The following SEMA7A variants were observed in gnomAD, a reference collection of about 807,000 sequenced individuals.
The protein encoded by SEMA7A is semaphorin 7A (JohnMiltonHagen blood group), also known as semaphorin-7A.
A neutral mutation model predicts 67.5 loss-of-function variants in SEMA7A; 21 were observed. That is an observed-to-expected ratio of 0.31 (90% CI 0.22 to 0.45). SEMA7A has a LOEUF of 0.45. SEMA7A is among the 20% of genes least tolerant of loss of function. The probability of loss-of-function intolerance (pLI) is 1.00; values close to 1 mark genes in which losing one functional copy is unlikely to be tolerated. For synonymous variants in SEMA7A, 364 were observed against 368.5 expected, an observed-to-expected ratio of 0.99 and a Z score of 0.14; for missense variants, 774 against 908.6, an observed-to-expected ratio of 0.85 and a Z score of 1.90.
rs200229481 is a variant in SEMA7A at position 74,414,933 on chromosome 15, C to T, written c.1000G>A (p.Val334Ile). 223 of 1,614,060 alleles carry T rather than the reference C, an allele frequency of 1.4e-4. No homozygotes were observed. The East Asian group carries it at 1.9e-3, about 14-fold the overall frequency. The stretch of plus-strand genomic sequence containing the variant: ...ATGTCACCGAGGGAATACACACAGA[C>T]GGCTGAGTAGTTCCTGCAGTGACAT... Reference protein sequence around the residue: ...VFSNPWNYSAVCVYSLGDIDK... With the variant: ...VFSNPWNYSAICVYSLGDIDK... Residue 334 changes from valine to isoleucine, a missense_variant, in exon 9 of 14, where the codon GTC becomes ATC. Physicochemically the swap from Val to Ile is conservative, Grantham distance 29. Around this residue, in one of 2 missense-constraint regions of SEMA7A, gnomAD observed 427 missense variants for 555.4 expected, o/e 0.77. Transcript: ENST00000261918. This position sits in a 1 kb window ranked among gnomAD's most constrained non-coding sequence, Gnocchi z 4.1.
rs371879563 is a variant in SEMA7A at position 74,410,616 on chromosome 15, G to A, written c.*8C>T. ...AGAAGCCTGAGGCATGCCCAGCCTC[G>A]GGAGGCCCTAGTGGACCAGCAAGCC... is the stretch of plus-strand genomic sequence containing the variant. On this transcript the variant is annotated 3_prime_UTR_variant, in exon 14 of 14. Coordinates refer to ENST00000261918, the MANE Select transcript of SEMA7A (RefSeq NM_003612.5). The surrounding 1 kb of genome is among the most constrained non-coding windows in gnomAD (Gnocchi z 7.5). 9.5e-6 allele frequency: 15 copies of A among 1,570,862 alleles called. No individual in the cohort carries two copies. The African/African-American group carries it at 1.6e-4, about 17-fold the overall frequency.
In SEMA7A at chr15:74,427,149, C is replaced by G. The variant is rs554818606; in HGVS notation, c.178+6592G>C. The G allele has an allele frequency of 2.6e-5, 24 of 934,076 alleles. No homozygotes were observed. In the African/African-American group the frequency reaches 3.4e-4, roughly 13 times the overall value. The allele number at this position is 934,076 out of a possible 1,614,324, so 57.9% of individuals were successfully genotyped here. ...ACTGCTCCAGCCCTCACTGCCCGTA[C>G]CTTCGACCTTGTACCACAAACCATC... On this transcript the variant is annotated intron_variant, in intron 1 of 13. Transcript: ENST00000261918.
At chr15:74,425,342 G>A (rs951361771) in intron 1 of SEMA7A, among the ~76,000 whole-genome samples, 39 of 152,180 alleles carry the variant, frequency 2.6e-4, no homozygotes, top group African/African-American at 8.2e-4. Context: ...TGCAGATGAG[G>A]ACCATGAGAC....
At position 74,414,885 on chromosome 15, in the gene SEMA7A, A is replaced by C; in HGVS notation, c.1048T>G (p.Ser350Ala). Residue 350 changes from serine to alanine, a missense_variant, in exon 9 of 14, where the codon TCA (serine) becomes GCA (alanine). Ser to Ala is a moderately conservative substitution (Grantham distance 99, BLOSUM62 1). This residue lies in a region of SEMA7A where 427 missense variants were observed against 555.4 expected (regional missense o/e 0.77). Transcript: ENST00000261918. The surrounding 1 kb of genome is among the most constrained non-coding windows in gnomAD (Gnocchi z 4.1). ...GDIDKVFRTSSLKGYHSSLPN... is the reference protein window; with the variant it reads ...GDIDKVFRTSALKGYHSSLPN... Reference sequence around the variant, plus strand: ...AGGCTTGAGTGGTAGCCCTTGAGTGAGGAGGTACGGAAGACCTTGTCAATG... The same window carrying C: ...AGGCTTGAGTGGTAGCCCTTGAGTGCGGAGGTACGGAAGACCTTGTCAATG... 6.2e-6 allele frequency: 10 copies of C among 1,614,178 alleles called. No homozygotes were observed. Among genetic ancestry groups the C allele is most frequent in the Non-Finnish European group, 8.5e-6 (10 of 1,180,010 alleles).
intron 1 of SEMA7A, among the ~76,000 whole-genome samples, chr15:74,422,498 C>T (rs1441569351): frequency 6.6e-6 from 1 of 152,194 alleles, no homozygotes; most frequent in African/African-American, 2.4e-5. Context: ...AATCCTCACT[C>T]GTGCTGGACC....
chr15:74,425,026 C>T (rs982447499), intron 1 of SEMA7A, among the ~76,000 whole-genome samples: 1 of 152,178 alleles, frequency 6.6e-6, no homozygotes, highest in Non-Finnish European at 1.5e-5. Flanking sequence ...TGCTGAGAAA[C>T]AGAAGGTTCC....
intron 1 of SEMA7A, among the ~76,000 whole-genome samples, chr15:74,419,947 G>A (rs1362641262): frequency 6.6e-6 from 1 of 152,166 alleles, no homozygotes; most frequent in Admixed American, 6.5e-5. Flanking sequence ...AAATTATAGG[G>A]ATGGGATGGC....
intron 1 of SEMA7A, among the ~76,000 whole-genome samples, chr15:74,426,768 T>C (rs2061047161): frequency 6.6e-6 from 1 of 152,168 alleles, no homozygotes; most frequent in South Asian, 2.1e-4. Flanking sequence ...AGTGAGATCC[T>C]GTCTCTAAGA....
In SEMA7A at chr15:74,417,851, A is replaced by G. The variant is rs769675676; in HGVS notation, c.465+26T>C. ...CCACGCAGTAGAAGGTGAGCTGATCAGGCACATGGGGAGCAGCCTTCTCAC... is the reference window on the plus strand; with the variant it reads ...CCACGCAGTAGAAGGTGAGCTGATCGGGCACATGGGGAGCAGCCTTCTCAC... On this transcript the variant is annotated intron_variant, in intron 4 of 13. Transcript: ENST00000261918. The G allele has an allele frequency of 1.9e-6, 3 of 1,611,014 alleles. No individual in the cohort carries two copies. The African/African-American group carries it at 4.0e-5, about 22-fold the overall frequency.
intron 1 of SEMA7A, chr15:74,427,423 G>A: frequency 1.0e-6 from 1 of 983,308 alleles, no homozygotes; most frequent in Non-Finnish European, 1.2e-6. Context: ...TTCCTCGACA[G>A]GCTGGGCCAG....
At chr15:74,415,467 C>T (rs907696887) in intron 8 of SEMA7A, among the ~76,000 whole-genome samples, 2 of 152,198 alleles carry the variant, frequency 1.3e-5, no homozygotes, top group African/African-American at 4.8e-5. Flanking sequence ...GGTGTAATAG[C>T]ACCCAGCTCC....
chr15:74,412,025 G>A lies in SEMA7A; in HGVS notation c.1295-13C>T, dbSNP rs764859793. On this transcript the variant is annotated splice_polypyrimidine_tract_variant and intron_variant, in intron 10 of 13. Coordinates refer to ENST00000261918, the MANE Select transcript of SEMA7A (RefSeq NM_003612.5). ...ATAGTGCCCCTGTCTGTGTATGGTG[G>A]ACAGAGGGTCAGTGGGCGGGAGTCC... is the stretch of plus-strand genomic sequence containing the variant. The A allele has an allele frequency of 1.2e-6, 2 of 1,613,354 alleles. No individual in the cohort carries two copies. Among genetic ancestry groups the A allele is most frequent in the East Asian group, 4.5e-5 (2 of 44,894 alleles).
intron 6 of SEMA7A, 103 bp from the exon 7 acceptor site, chr15:74,416,817 T>C: frequency 7.6e-7 from 1 of 1,314,714 alleles, no homozygotes; most frequent in South Asian, 1.4e-5. Context: ...GCACAAACCA[T>C]GGCAAATCAG....
Position 74,432,577 on chromosome 15 carries a change from C to G in SEMA7A, c.178+1164G>C, listed in dbSNP as rs578119759. ...CATTCCCTCAGCTACTGCGGCAGTTCGGGCCACTCGTTTTGTGTATGGTTT... is the reference window on the plus strand; with the variant it reads ...CATTCCCTCAGCTACTGCGGCAGTTGGGGCCACTCGTTTTGTGTATGGTTT... On this transcript the variant is annotated intron_variant, in intron 1 of 13. Transcript: ENST00000261918. Among the ~76,000 whole-genome samples, 10 of 152,312 alleles carry G rather than the reference C, an allele frequency of 6.6e-5. No homozygotes were observed. In the East Asian group the frequency reaches 1.9e-3, roughly 29 times the overall value.
chr15:74,424,905 AG>A (rs1283896702), intron 1 of SEMA7A, among the ~76,000 whole-genome samples: 1 of 152,232 alleles, frequency 6.6e-6, no homozygotes, highest in Non-Finnish European at 1.5e-5. Flanking sequence ...AAGCAGACAA[AG>A]GGTAGCGGTG....
rs2060882762 is a variant in SEMA7A at position 74,409,685 on chromosome 15, A to C, written c.*939T>G. 6.9e-6 allele frequency: 1 copy of C among 145,608 alleles called. No individual in the cohort carries two copies. Among genetic ancestry groups the C allele is most frequent in the Non-Finnish European group, 1.5e-5 (1 of 67,098 alleles). The allele number at this position is 145,608 out of a possible 1,614,324, so 9.0% of individuals were successfully genotyped here. A position where few individuals can be genotyped will look rare whatever the true frequency, so the allele number is the denominator to read the frequency against. ...CCTGAGGACCCGGCTCGTCCTTCCAAATGAACACGGTGAAACTAGGGCTCA... is the reference window on the plus strand; with the variant it reads ...CCTGAGGACCCGGCTCGTCCTTCCACATGAACACGGTGAAACTAGGGCTCA... On this transcript the variant is annotated 3_prime_UTR_variant, in exon 14 of 14. Transcript: ENST00000261918.
At position 74,423,144 on chromosome 15, in the gene SEMA7A, A is replaced by T. The variant is rs2061014550; in HGVS notation, c.179-4192T>A. On this transcript the variant is annotated intron_variant, in intron 1 of 13. Coordinates refer to ENST00000261918, the MANE Select transcript of SEMA7A (RefSeq NM_003612.5). This position sits in a 1 kb window ranked among gnomAD's most constrained non-coding sequence, Gnocchi z 4.1. ...CAGTCAGAGAGGCCCCGGGCCAAAG[A>T]GCAGAAAGCAGGCCGACCTCAGGTT... 6.6e-6 allele frequency among the ~76,000 whole-genome samples: 1 copy of T among 152,178 alleles called. No homozygotes were observed. Among genetic ancestry groups the T allele is most frequent in the Non-Finnish European group, 1.5e-5 (1 of 68,010 alleles).
At chr15:74,426,302 C>T (rs1395753062) in intron 1 of SEMA7A, among the ~76,000 whole-genome samples, 3 of 152,006 alleles carry the variant, frequency 2.0e-5, no homozygotes, top group Non-Finnish European at 2.9e-5. Context: ...AAAACAAACT[C>T]CCTGTGGAAA....
At position 74,415,913 on chromosome 15, in the gene SEMA7A, T is replaced by G; in HGVS notation, c.874A>C (p.Ser292Arg). ...NTFLKAMLVCSDAATNKNFNR... is the reference protein window; with the variant it reads ...NTFLKAMLVCRDAATNKNFNR... ...AAGTTCTTGTTGGTGGCAGCATCACTGCATACCAGCATGGCTTTCAGAAAA... is the reference window on the plus strand; with the variant it reads ...AAGTTCTTGTTGGTGGCAGCATCACGGCATACCAGCATGGCTTTCAGAAAA... Residue 292 changes from serine to arginine, a missense_variant, in exon 8 of 14, where the codon AGT (serine) becomes CGT (arginine). Physicochemically the swap from Ser to Arg is moderately radical, Grantham distance 110. This residue lies in a region of SEMA7A where 427 missense variants were observed against 555.4 expected (regional missense o/e 0.77). Coordinates refer to ENST00000261918, the MANE Select transcript of SEMA7A (RefSeq NM_003612.5). The G allele has an allele frequency of 6.2e-7, 1 of 1,614,134 alleles. No homozygotes were observed. Among genetic ancestry groups the G allele is most frequent in the African/African-American group, 1.3e-5 (1 of 75,034 alleles).
Sources: gnomAD v4.1 joint callset for allele counts (sites outside exome capture counted in the v4.1 genomes callset) on GRCh38, gnomAD v4.1.1 for gene constraint, gnomAD v4.1.1 regional missense constraint, Gnocchi (gnomAD v3.1) non-coding constraint, MANE v1.5 for transcripts, NCBI Gene and HGNC (gene_info 2026-07-23, HGNC 2026-07-21) for gene names.